The following PDZD2 variants were observed in gnomAD, a reference collection of about 807,000 sequenced individuals.
PDZD2 encodes PDZ domain-containing protein 2.
PDZD2 carries 90 observed loss-of-function variants against 220.7 expected under a neutral mutation model. The observed-to-expected ratio is 0.41, with a 90% CI of 0.34 to 0.49. The LOEUF (loss-of-function observed/expected upper bound fraction) is 0.49. PDZD2 is among the 20% of genes least tolerant of loss of function. The pLI, the probability that PDZD2 is intolerant of heterozygous loss-of-function variation, is 0.28. For synonymous variants in PDZD2, 1,375 were observed against 1,450.5 expected (o/e 0.95, Z 1.18); for missense variants, 3,174 against 3,608.5 (o/e 0.88, Z 3.08).
intron 23 of PDZD2, chr5:32,100,485 C>T (rs1176028533): frequency 3.7e-6 from 1 of 272,226 alleles, no homozygotes; most frequent in Non-Finnish European, 7.2e-6. Flanking sequence ...CATTTCCTCA[C>T]AGTGGAGCAA....
chr5:31,870,063 A>G (rs1738641547), intron 2 of PDZD2, among the ~76,000 whole-genome samples: 1 of 152,212 alleles, frequency 6.6e-6, no homozygotes, highest in Non-Finnish European at 1.5e-5. Context: ...CATGTTGGCC[A>G]TGCTGTCCTG....
chr5:31,937,628 T>G (rs1175385477), intron 2 of PDZD2, among the ~76,000 whole-genome samples: 1 of 152,186 alleles, frequency 6.6e-6, no homozygotes, highest in African/African-American at 2.4e-5. Flanking sequence ...TCTCTTTCCG[T>G]GTGATTTCTC....
intron 6 of PDZD2, among the ~76,000 whole-genome samples, chr5:32,021,093 G>A (rs1326238795): frequency 6.8e-6 from 1 of 146,656 alleles, no homozygotes; most frequent in Non-Finnish European, 1.5e-5. Context: ...CCTCTTTTTA[G>A]CCACATCTTA....
In PDZD2 at chr5:31,752,068, G is replaced by GTTTTTTTTTTTTTTTTT. The variant is rs1251840861; in HGVS notation, c.-360-46821_-360-46820insTTTTTTTTTTTTTTTTT. On this transcript the variant is annotated intron_variant, in intron 1 of 24. Coordinates refer to ENST00000438447, the MANE Select transcript of PDZD2 (RefSeq NM_178140.4). ...TTTGTTTGTTTGTTTTATTGTTTTG[G>GTTTTTTTTTTTTTTTTT]GTTTGTTTTTTTTTTTTTTTTTCTG... Among the ~76,000 whole-genome samples the GTTTTTTTTTTTTTTTTT allele has an allele frequency of 7.2e-3, 690 of 95,882 alleles. 234 individuals carry two copies. The highest frequency in any genetic ancestry group is 9.5e-3 in the Admixed American group (66 of 6,950). The allele number at this position is 95,882 out of a possible 152,430, so 62.9% of individuals were successfully genotyped here.
chr5:32,057,834 A>G, intron 11 of PDZD2, 44 bp from the exon 12 acceptor site: 2 of 1,448,210 alleles, frequency 1.4e-6, no homozygotes, highest in South Asian at 1.1e-5. Flanking sequence ...TGATATAAGG[A>G]CATTCCAAAT....
At chr5:31,705,032 A>T (rs965049482) in intron 1 of PDZD2, among the ~76,000 whole-genome samples, 2 of 152,156 alleles carry the variant, frequency 1.3e-5, no homozygotes, top group African/African-American at 4.8e-5. Context: ...GTGGTGGCAT[A>T]TGCCTGTAGT....
chr5:31,943,790 ATCTG>A (rs1310970451), intron 2 of PDZD2, among the ~76,000 whole-genome samples: 4 of 152,210 alleles, frequency 2.6e-5, no homozygotes, highest in African/African-American at 7.2e-5. Flanking sequence ...ATCTTTAAAC[ATCTG>A]TCTATCTTAA....
intron 1 of PDZD2, among the ~76,000 whole-genome samples, chr5:31,657,750 A>G (rs1203483794): frequency 6.6e-6 from 1 of 152,206 alleles, no homozygotes; most frequent in Non-Finnish European, 1.5e-5. Context: ...AAATAAGAGC[A>G]AATTCCAGGT....
At chr5:32,011,530 C>G (rs909682731) in intron 6 of PDZD2, among the ~76,000 whole-genome samples, 2 of 151,926 alleles carry the variant, frequency 1.3e-5, no homozygotes, top group African/African-American at 2.4e-5. Flanking sequence ...GCTCTGTGGT[C>G]TCTTCTTTGC....
intron 1 of PDZD2, among the ~76,000 whole-genome samples, chr5:31,719,660 G>T (rs1390223581): frequency 1.3e-5 from 2 of 152,128 alleles, no homozygotes; most frequent in Non-Finnish European, 2.9e-5. Context: ...AGAAGATTTA[G>T]GGAACAAATA....
At chr5:31,818,218 T>G (rs1456740799) in intron 2 of PDZD2, among the ~76,000 whole-genome samples, 1 of 152,024 alleles carries the variant, frequency 6.6e-6, no homozygotes, top group Non-Finnish European at 1.5e-5. Flanking sequence ...GCAATCCACC[T>G]TCCTCAGCCT....
At chr5:32,002,590 C>CCACACA (rs139562674) in intron 5 of PDZD2, among the ~76,000 whole-genome samples, 21 of 143,280 alleles carry the variant, frequency 1.5e-4, no homozygotes, top group Non-Finnish European at 2.8e-4. Context: ...CTCACACATA[C>CCACACA]CACACACACA....
rs145567191 is a variant in PDZD2, at chr5:31,916,129, G to GT, written c.477-67020dup. On this transcript the variant is annotated intron_variant, in intron 2 of 24. Coordinates refer to ENST00000438447, the MANE Select transcript of PDZD2 (RefSeq NM_178140.4). ...ACGCTGGAATTTATTTTTCCATCTT[G>GT]TTTTTTCTCCCAGACATTTTCTAGC... Among the ~76,000 whole-genome samples, 744 of 152,262 alleles carry GT rather than the reference G, an allele frequency of 4.9e-3. 6 individuals are homozygous for GT. Among genetic ancestry groups the GT allele is most frequent in the African/African-American group, 0.016 (671 of 41,562 alleles).
Position 32,098,424 on chromosome 5 carries a change from T to G in PDZD2, c.8008T>G (p.Phe2670Val). The G allele has an allele frequency of 6.2e-7, 1 of 1,614,154 alleles. No individual in the cohort carries two copies. Among genetic ancestry groups the G allele is most frequent in the Middle Eastern group, 1.6e-4 (1 of 6,062 alleles). Reference sequence around the variant, plus strand: ...GGAAGGGACTATGAACCGAGGGGATTTCCTTCTGTCAGTCAACGGCGCCTC... The same window carrying G: ...GGAAGGGACTATGAACCGAGGGGATGTCCTTCTGTCAGTCAACGGCGCCTC... ...SQEGTMNRGD[F>V]LLSVNGASLA... is the part of the protein sequence containing the mutation. Residue 2670 changes from phenylalanine to valine, a missense_variant, in exon 23 of 25, where the codon TTC (phenylalanine) becomes GTC (valine). Phe to Val is a conservative substitution (Grantham distance 50). This residue lies in a region of PDZD2 where 631 missense variants were observed against 789.9 expected (regional missense o/e 0.80). Coordinates refer to ENST00000438447, the MANE Select transcript of PDZD2 (RefSeq NM_178140.4). This position sits in a 1 kb window ranked among gnomAD's most constrained non-coding sequence, Gnocchi z 4.1.
chr5:31,996,182 G>A (rs1751618195), intron 4 of PDZD2, among the ~76,000 whole-genome samples: 1 of 152,114 alleles, frequency 6.6e-6, no homozygotes, highest in Non-Finnish European at 1.5e-5. Context: ...CAGGATTTCA[G>A]GCATACTTAG....
intron 2 of PDZD2, among the ~76,000 whole-genome samples, chr5:31,979,646 T>C (rs1750119825): frequency 6.6e-6 from 1 of 152,248 alleles, no homozygotes; most frequent in Non-Finnish European, 1.5e-5. Context: ...ATCAATACTG[T>C]TGGGATGACT....
chr5:31,885,953 C>T (rs1027992035), intron 2 of PDZD2, among the ~76,000 whole-genome samples: 1 of 151,644 alleles, frequency 6.6e-6, no homozygotes, highest in Admixed American at 6.6e-5. Context: ...TCTTTTTCTC[C>T]AGGCTGGAGT....
chr5:31,925,780 C>T (rs1412124598), intron 2 of PDZD2, among the ~76,000 whole-genome samples: 1 of 146,986 alleles, frequency 6.8e-6, no homozygotes, highest in Middle Eastern at 3.3e-3. Context: ...AAAAGATAAC[C>T]CATTTACAAA....
At chr5:31,640,545 GT>G (rs1744910599) in intron 1 of PDZD2, among the ~76,000 whole-genome samples, 1 of 152,214 alleles carries the variant, frequency 6.6e-6, no homozygotes, top group Non-Finnish European at 1.5e-5. Flanking sequence ...GCCCTGATCT[GT>G]CCTTGCAGAG....
Sources: allele counts gnomAD v4.1 joint callset (sites outside exome capture counted in the v4.1 genomes callset), GRCh38; gene constraint gnomAD v4.1.1; regional missense constraint gnomAD v4.1.1; non-coding constraint Gnocchi (gnomAD v3.1); transcripts MANE v1.5; gene names NCBI Gene and HGNC (gene_info 2026-07-23, HGNC 2026-07-21).